The following MACROH2A1 variants were observed in gnomAD, a reference collection of about 807,000 sequenced individuals.
MACROH2A1 encodes the protein macroH2A.1 histone.
Under a neutral mutation model 31.6 loss-of-function variants are expected in MACROH2A1, and 2 were observed. That is an observed-to-expected ratio of 0.06 (90% CI 0.03 to 0.20). The LOEUF (loss-of-function observed/expected upper bound fraction) is 0.20, where lower values mean the gene tolerates loss of function less well. Ranked by LOEUF, MACROH2A1 falls within the 10% of genes least tolerant of loss-of-function variation. MACROH2A1 has a pLI of 1.00. For missense variants in MACROH2A1, 230 were observed against 474.0 expected, an observed-to-expected ratio of 0.49 and a Z score of 4.78; for synonymous variants, 169 against 189.6, an observed-to-expected ratio of 0.89 and a Z score of 0.89.
intron 1 of MACROH2A1, among the ~76,000 whole-genome samples, chr5:135,394,145 C>T (rs143229423): frequency 6.6e-6 from 1 of 152,258 alleles, no homozygotes; most frequent in African/African-American, 2.4e-5. Context: ...CCCTGCCACA[C>T]CCTCCTATCC....
intron 4 of MACROH2A1, among the ~76,000 whole-genome samples, chr5:135,368,222 A>G (rs1331983717): frequency 6.6e-6 from 1 of 152,244 alleles, no homozygotes; most frequent in Non-Finnish European, 1.5e-5. Flanking sequence ...TGGGGTTCAC[A>G]GAAGATGTCC....
At chr5:135,360,330 C>T (rs1377096236) in intron 5 of MACROH2A1, 167 bp downstream of exon 5, 6 of 607,090 alleles carry the variant, frequency 9.9e-6, no homozygotes, top group Non-Finnish European at 1.8e-5. Flanking sequence ...TGTGGCCTCC[C>T]CAGCATCTAG....
intron 1 of MACROH2A1, among the ~76,000 whole-genome samples, chr5:135,391,743 T>G (rs940188950): frequency 6.6e-6 from 1 of 152,122 alleles, no homozygotes; most frequent in African/African-American, 2.4e-5. Context: ...GGCCCAGACT[T>G]CTCTGTCCAC....
intron 5 of MACROH2A1, chr5:135,354,853 C>A (rs556364189): frequency 4.5e-5 from 16 of 352,172 alleles, no homozygotes; most frequent in Admixed American, 7.7e-5. Flanking sequence ...ATACTCCCCA[C>A]CACACACCAC....
intron 5 of MACROH2A1, chr5:135,357,482 G>A (rs1762316323): frequency 1.3e-5 from 2 of 152,366 alleles, no homozygotes; most frequent in South Asian, 2.1e-4. Context: ...TGCGAGCTGG[G>A]GTTGCCATCT....
intron 2 of MACROH2A1, among the ~76,000 whole-genome samples, chr5:135,372,428 G>T (rs1030142747): frequency 6.6e-6 from 1 of 152,242 alleles, no homozygotes; most frequent in Non-Finnish European, 1.5e-5. Flanking sequence ...TGTCAGCACA[G>T]TTTAGTTTAC....
At chr5:135,364,576 T>C (rs1030386315) in intron 4 of MACROH2A1, among the ~76,000 whole-genome samples, 7 of 152,216 alleles carry the variant, frequency 4.6e-5, no homozygotes, top group African/African-American at 1.4e-4. Context: ...AACCCATAAA[T>C]TTCCATGTAT....
chr5:135,367,524 T>C (rs912795869), intron 4 of MACROH2A1, among the ~76,000 whole-genome samples: 2 of 152,214 alleles, frequency 1.3e-5, no homozygotes, highest in African/African-American at 4.8e-5. Flanking sequence ...TCCTAGTGTT[T>C]ACTAAATTGG....
Position 135,369,184 on chromosome 5 carries a change from G to A in MACROH2A1, c.477+222C>T, listed in dbSNP as rs114831884. Among the ~76,000 whole-genome samples the A allele has an allele frequency of 7.8e-3, 1,189 of 152,312 alleles. 18 individuals are homozygous for A. The highest frequency in any genetic ancestry group is 0.027 in the African/African-American group (1,141 of 41,566). ...ACCACCCATCCCCCTTGCCTACAGA[G>A]GTTCTGTCCTTCAACTGGGTCCAGA... is the stretch of plus-strand genomic sequence containing the variant. On this transcript the variant is annotated intron_variant, in intron 4 of 8. Coordinates refer to ENST00000511689, the MANE Select transcript of MACROH2A1 (RefSeq NM_138610.3). The surrounding 1 kb of genome is among the most constrained non-coding windows in gnomAD (Gnocchi z 4.3).
At chr5:135,359,808 T>C in intron 5 of MACROH2A1, 3 of 949,900 alleles carry the variant, frequency 3.2e-6, no homozygotes, top group Non-Finnish European at 3.8e-6. Context: ...CACCCCTTTT[T>C]GATGTCAATA....
intron 8 of MACROH2A1, among the ~76,000 whole-genome samples, chr5:135,336,512 C>T (rs1758694999): frequency 1.1e-5 from 1 of 93,084 alleles, no homozygotes. Context: ...GGCGGCAGCT[C>T]CTCAGCCACA....
intron 1 of MACROH2A1, among the ~76,000 whole-genome samples, chr5:135,393,631 G>A (rs115794531): frequency 0.02 from 3,109 of 152,348 alleles, 55 homozygotes; most frequent in Middle Eastern, 0.051. Context: ...TGACAAAGAT[G>A]TGTTCTTCCT....
At chr5:135,385,596 T>A (rs1766288063) in intron 2 of MACROH2A1, among the ~76,000 whole-genome samples, 2 of 152,168 alleles carry the variant, frequency 1.3e-5, no homozygotes. Flanking sequence ...TCCCTCTCTC[T>A]GTAGCTTCCC....
In MACROH2A1 at chr5:135,334,406, A is replaced by G. The variant is rs1279614339; in HGVS notation, c.*570T>C. 5.7e-6 allele frequency: 1 copy of G among 174,990 alleles called. No homozygotes were observed. The highest frequency in any genetic ancestry group is 2.4e-5 in the African/African-American group (1 of 41,742). The allele number at this position is 174,990 out of a possible 1,614,324, so 10.8% of individuals were successfully genotyped here. ...AACGGTTTAACATTTTACTAAATCA[A>G]CTCACACAAATTCCAAATTGCAAAT... On this transcript the variant is annotated 3_prime_UTR_variant, in exon 9 of 9. Transcript: ENST00000511689.
At chr5:135,349,278 C>CATTT (rs1296031735) in intron 6 of MACROH2A1, among the ~76,000 whole-genome samples, 4 of 152,156 alleles carry the variant, frequency 2.6e-5, no homozygotes, top group Non-Finnish European at 5.9e-5. Context: ...CTTAGCTGTT[C>CATTT]ATTTATTTTT....
chr5:135,369,339 C>G lies in MACROH2A1; in HGVS notation c.477+67G>C. 1 of 1,289,310 alleles carries G rather than the reference C, an allele frequency of 7.8e-7. No individual in the cohort carries two copies. Among genetic ancestry groups the G allele is most frequent in the Non-Finnish European group, 1.1e-6 (1 of 887,446 alleles). The allele number at this position is 1,289,310 out of a possible 1,614,324, so 79.9% of individuals were successfully genotyped here. ...GCCCACAGGGGGAATGAGGGGGGTG[C>G]CCTGGTAACCCTGTTTATCCGTACC... On this transcript the variant is annotated intron_variant, in intron 4 of 8. Coordinates refer to ENST00000511689, the MANE Select transcript of MACROH2A1 (RefSeq NM_138610.3). This position sits in a 1 kb window ranked among gnomAD's most constrained non-coding sequence, Gnocchi z 4.3.
rs1411374491 is a variant in MACROH2A1 at position 135,398,464 on chromosome 5, C to T, written c.-34+598G>A. 6.6e-6 allele frequency among the ~76,000 whole-genome samples: 1 copy of T among 152,228 alleles called. No individual in the cohort carries two copies. The highest frequency in any genetic ancestry group is 6.5e-5 in the Admixed American group (1 of 15,284). On this transcript the variant is annotated intron_variant, in intron 1 of 8. Coordinates refer to ENST00000511689, the MANE Select transcript of MACROH2A1 (RefSeq NM_138610.3). This position sits in a 1 kb window ranked among gnomAD's most constrained non-coding sequence, Gnocchi z 4.6. The stretch of plus-strand genomic sequence containing the variant: ...GCCCCTCTCCAGCCCATCCTTGGAC[C>T]ACTCCCCAACCCGGTCCCCCGCACC...
At chr5:135,391,825 C>T (rs1767287818) in intron 1 of MACROH2A1, among the ~76,000 whole-genome samples, 1 of 152,330 alleles carries the variant, frequency 6.6e-6, no homozygotes, top group African/African-American at 2.4e-5. Flanking sequence ...TTCTCATCAC[C>T]CTCCCTGCGT....
chr5:135,384,602 C>T (rs1342139955), intron 2 of MACROH2A1, among the ~76,000 whole-genome samples: 1 of 152,156 alleles, frequency 6.6e-6, no homozygotes, highest in Non-Finnish European at 1.5e-5. Context: ...TGCTGGGTGC[C>T]TTTTGGAGGA....
Sources: allele counts gnomAD v4.1 joint callset (sites outside exome capture counted in the v4.1 genomes callset), GRCh38; gene constraint gnomAD v4.1.1; non-coding constraint Gnocchi (gnomAD v3.1); transcripts MANE v1.5; gene names NCBI Gene and HGNC (gene_info 2026-07-23, HGNC 2026-07-21).